Variants in USP34 observed in about 807,000 individuals in gnomAD.
The protein encoded by USP34 is ubiquitin specific peptidase 34, also known as ubiquitin carboxyl-terminal hydrolase 34.
USP34 carries 70 observed loss-of-function variants against 460.3 expected under a neutral mutation model. The observed-to-expected ratio is 0.15, with a 90% CI of 0.13 to 0.19. The LOEUF (loss-of-function observed/expected upper bound fraction) is 0.19, where lower values mean the gene tolerates loss of function less well. Ranked by LOEUF, USP34 falls within the 10% of genes least tolerant of loss-of-function variation. The pLI is 1.00. For synonymous variants in USP34, 1,647 were observed against 1,405.3 expected, an observed-to-expected ratio of 1.17 and a Z score of -3.85; for missense variants, 3,985 against 4,236.2, an observed-to-expected ratio of 0.94 and a Z score of 1.65.
chr2:61,333,184 A>G (rs1223550528), intron 19 of USP34, among the ~76,000 whole-genome samples: 1 of 152,092 alleles, frequency 6.6e-6, no homozygotes, highest in East Asian at 1.9e-4. Context: ...TCGATTTCAC[A>G]TAAAAGTTCT....
intron 18 of USP34, among the ~76,000 whole-genome samples, chr2:61,337,625 T>C (rs1008939557): frequency 1.3e-5 from 2 of 152,062 alleles, no homozygotes; most frequent in South Asian, 2.1e-4. Context: ...TGGATACTTT[T>C]ATTTGTATTT....
At chr2:61,216,606 C>T (rs563390675) in intron 67 of USP34, among the ~76,000 whole-genome samples, 17 of 145,422 alleles carry the variant, frequency 1.2e-4, no homozygotes, top group African/African-American at 4.3e-4. Context: ...TCTCAAAAAA[C>T]AACAAAAAAC....
intron 10 of USP34, among the ~76,000 whole-genome samples, chr2:61,366,002 G>A (rs1159291311): frequency 2.0e-5 from 3 of 150,918 alleles, no homozygotes; most frequent in African/African-American, 7.3e-5. Context: ...CCCAGGCTGG[G>A]GTACAATGGC....
chr2:61,204,212 C>G, intron 74 of USP34, 44 bp downstream of exon 74: 1 of 1,612,036 alleles, frequency 6.2e-7, no homozygotes, highest in Non-Finnish European at 8.5e-7. Context: ...TTTCAAATTA[C>G]TTTGTACTAT....
chr2:61,193,032 G>T (rs1686686473), intron 75 of USP34, 52 bp from the exon 76 acceptor site: 1 of 1,404,676 alleles, frequency 7.1e-7, no homozygotes, highest in Non-Finnish European at 1.0e-6. Context: ...TTATACTAGT[G>T]AGATACTCAA....
At chr2:61,405,229 T>C (rs1235170540) in intron 3 of USP34, among the ~76,000 whole-genome samples, 2 of 26,742 alleles carry the variant, frequency 7.5e-5, no homozygotes, top group Admixed American at 7.0e-4. Flanking sequence ...AGAGACTCCA[T>C]CTCAAAAAAA....
intron 43 of USP34, among the ~76,000 whole-genome samples, chr2:61,262,835 G>A (rs193085121): frequency 7.9e-5 from 12 of 152,080 alleles, no homozygotes; most frequent in Admixed American, 3.9e-4. Context: ...TTACAACATC[G>A]CCAGCATCAG....
chr2:61,371,801 T>C (rs561180609), intron 8 of USP34, among the ~76,000 whole-genome samples: 1 of 152,280 alleles, frequency 6.6e-6, no homozygotes, highest in South Asian at 2.1e-4. Flanking sequence ...ATACAGGCAA[T>C]ACCCTATTTT....
In USP34 at chr2:61,314,726, T is replaced by C. The variant is rs201778805; in HGVS notation, c.3401A>G (p.Lys1134Arg). ...GCACTTACTAATAAATTCTTGCTCC[T>C]TCTCCAAACCTGTTTTACCTGAAAG... is the stretch of plus-strand genomic sequence containing the variant. ...YYINGKTGLE[K>R]EQEFISKCME... Residue 1134 changes from lysine to arginine, a missense_variant, in exon 25 of 80, where the codon AAG becomes AGG. By Grantham distance (26) the Lys-to-Arg change is conservative. Coordinates refer to ENST00000398571, the MANE Select transcript of USP34 (RefSeq NM_014709.4). 216 of 1,583,424 alleles carry C rather than the reference T, an allele frequency of 1.4e-4. No individual in the cohort carries two copies. Among genetic ancestry groups the C allele is most frequent in the Non-Finnish European group, 1.7e-4 (202 of 1,169,224 alleles).
intron 65 of USP34, 184 bp from the exon 66 acceptor site, chr2:61,221,790 G>C: frequency 2.1e-6 from 1 of 471,508 alleles, no homozygotes; most frequent in Non-Finnish European, 3.7e-6. Flanking sequence ...GGGGTACAAA[G>C]TCAACCGGGA....
chr2:61,209,316 T>C (rs753049612), intron 69 of USP34, among the ~76,000 whole-genome samples: 4 of 152,154 alleles, frequency 2.6e-5, no homozygotes, highest in Admixed American at 1.3e-4. Context: ...AAATTCACCA[T>C]ATTATCTAAA....
In USP34 at chr2:61,220,151, TAAAAAAAAAAAAAAAAA is replaced by T. The variant is rs60784334; in HGVS notation, c.8047+142_8047+158del. On this transcript the variant is annotated intron_variant, in intron 67 of 79. Transcript: ENST00000398571. Reference sequence around the variant, plus strand: ...CAAGAAATAACATGGTTTCCTATCCTAAAAAAAAAAAAAAAAAAAAAAAAAAAAAAAGGAAATAACAT... The same window carrying T: ...CAAGAAATAACATGGTTTCCTATCCTAAAAAAAAAAAAAAGGAAATAACAT... The T allele has an allele frequency of 1.2e-4, 20 of 169,408 alleles. 1 individual carries two copies. The highest frequency in any genetic ancestry group is 1.5e-4 in the South Asian group (1 of 6,540). The allele number at this position is 169,408 out of a possible 1,614,324, so 10.5% of individuals were successfully genotyped here. A position where few individuals can be genotyped will look rare whatever the true frequency, so the allele number is the denominator to read the frequency against.
intron 10 of USP34, among the ~76,000 whole-genome samples, chr2:61,352,792 G>A (rs1019340413): frequency 1.3e-5 from 2 of 151,816 alleles, no homozygotes; most frequent in African/African-American, 4.8e-5. Flanking sequence ...GGAGGAAGAG[G>A]ACAAAGAGGA....
chr2:61,430,607 C>A (rs1341678796), intron 1 of USP34, among the ~76,000 whole-genome samples: 4 of 151,986 alleles, frequency 2.6e-5, no homozygotes, highest in East Asian at 1.9e-4. Context: ...AATAGACTAA[C>A]CTTATTGTAT....
chr2:61,436,287 G>C (rs896190195), intron 1 of USP34, among the ~76,000 whole-genome samples: 1 of 152,142 alleles, frequency 6.6e-6, no homozygotes, highest in African/African-American at 2.4e-5. Context: ...TCAAGATTGT[G>C]CCAGCCTGTG....
chr2:61,353,763 G>C (rs918509569), intron 10 of USP34, among the ~76,000 whole-genome samples: 2 of 152,042 alleles, frequency 1.3e-5, no homozygotes, highest in African/African-American at 4.8e-5. Context: ...TTATCTCAAA[G>C]ATAGTAAGAG....
chr2:61,259,256 C>T lies in USP34; in HGVS notation c.5844+455G>A, dbSNP rs547229733. 5.3e-5 allele frequency among the ~76,000 whole-genome samples: 8 copies of T among 151,878 alleles called. No homozygotes were observed. The South Asian group carries it at 1.5e-3, about 28-fold the overall frequency. ...CCTGAGTAACAGAGCAAGACTCTGT[C>T]TCAAAATAAATAAATAAATAAATAA... On this transcript the variant is annotated intron_variant, in intron 44 of 79. Transcript: ENST00000398571.
intron 35 of USP34, 49 bp from the exon 36 acceptor site, chr2:61,283,498 A>T (rs780455282): frequency 6.4e-7 from 1 of 1,556,586 alleles, no homozygotes; most frequent in African/African-American, 1.4e-5. Context: ...GCAATGAATT[A>T]AAAATAATTC....
chr2:61,258,679 G>A lies in USP34; in HGVS notation c.5844+1032C>T, dbSNP rs1688788301. ...CCCAGAGGGTGTGTGCCATGGTGAT[G>A]AGCTCGAATACCATTCTGTTCGTAA... On this transcript the variant is annotated intron_variant, in intron 44 of 79. Coordinates refer to ENST00000398571, the MANE Select transcript of USP34 (RefSeq NM_014709.4). Among the ~76,000 whole-genome samples the A allele has an allele frequency of 2.6e-5, 4 of 152,182 alleles. No individual in the cohort carries two copies. The South Asian group carries it at 8.3e-4, about 32-fold the overall frequency.
Sources: allele counts gnomAD v4.1 joint callset (sites outside exome capture counted in the v4.1 genomes callset), GRCh38; gene constraint gnomAD v4.1.1; transcripts MANE v1.5; gene names NCBI Gene and HGNC (gene_info 2026-07-23, HGNC 2026-07-21).